KCNQ3: variants seen among roughly 807,000 people sequenced by gnomAD.
KCNQ3 encodes potassium voltage-gated channel subfamily Q member 3.
KCNQ3 carries 30 observed loss-of-function variants against 92.5 expected under a neutral mutation model. The observed-to-expected ratio is 0.32, with a 90% CI of 0.24 to 0.44. The LOEUF (loss-of-function observed/expected upper bound fraction) is 0.44, where lower values mean the gene tolerates loss of function less well. Ranked by LOEUF, KCNQ3 falls within the 20% of genes least tolerant of loss-of-function variation. The probability of loss-of-function intolerance (pLI) is 1.00; values close to 1 mark genes in which losing one functional copy is unlikely to be tolerated. For missense variants in KCNQ3, 913 were observed against 1,140.3 expected (o/e 0.80, Z 2.87); for synonymous variants, 450 against 468.8 (o/e 0.96, Z 0.52).
In KCNQ3 at chr8:132,129,671, G is replaced by A. The variant is rs966171130; in HGVS notation, c.2210C>T (p.Ser737Leu). The change falls in exon 15 of 15, where the codon TCA (serine) becomes TTA (leucine). Residue 737 changes from serine to leucine, a missense_variant. By Grantham distance (145) the Ser-to-Leu change is moderately radical. Transcript: ENST00000388996. The surrounding 1 kb of genome is among the most constrained non-coding windows in gnomAD (Gnocchi z 5.9). ...SGKVQATPPSSATTYVERPTV... is the reference protein window; with the variant it reads ...SGKVQATPPSLATTYVERPTV... ...GGGCCTCTCCACATACGTTGTTGCT[G>A]AGGAAGGAGGAGTTGCCTGAACCTT... 2 of 1,614,168 alleles carry A rather than the reference G, an allele frequency of 1.2e-6. No individual in the cohort carries two copies. Among genetic ancestry groups the A allele is most frequent in the Non-Finnish European group, 1.7e-6 (2 of 1,180,038 alleles).
At chr8:132,441,578 A>G (rs1001610566) in intron 1 of KCNQ3, among the ~76,000 whole-genome samples, 6 of 100,652 alleles carry the variant, frequency 6.0e-5, no homozygotes, top group African/African-American at 2.6e-4. Flanking sequence ...TCAAAAAACA[A>G]AACAAAACAA....
chr8:132,156,477 A>G (rs1825798756), intron 9 of KCNQ3, among the ~76,000 whole-genome samples: 1 of 152,116 alleles, frequency 6.6e-6, no homozygotes, highest in Non-Finnish European at 1.5e-5. Flanking sequence ...GGTTAAAGAG[A>G]AGAAATGACC....
At chr8:132,319,575 C>G (rs1484995696) in intron 1 of KCNQ3, among the ~76,000 whole-genome samples, 2 of 152,206 alleles carry the variant, frequency 1.3e-5, no homozygotes, top group African/African-American at 4.8e-5. Context: ...ACTCTGCAGA[C>G]CCCGAGGTTG....
intron 1 of KCNQ3, among the ~76,000 whole-genome samples, chr8:132,458,694 A>T (rs1325586134): frequency 2.0e-5 from 3 of 152,178 alleles, no homozygotes; most frequent in Non-Finnish European, 4.4e-5. Flanking sequence ...ATCTCAAGTG[A>T]TCCTCCCGCC....
At chr8:132,258,322 A>T (rs1815660295) in intron 1 of KCNQ3, among the ~76,000 whole-genome samples, 1 of 152,188 alleles carries the variant, frequency 6.6e-6, no homozygotes, top group Non-Finnish European at 1.5e-5. Context: ...TTCTCTAATG[A>T]CAACGTAATA....
At chr8:132,139,865 G>GAGTC (rs1210041772) in intron 11 of KCNQ3, among the ~76,000 whole-genome samples, 1 of 152,134 alleles carries the variant, frequency 6.6e-6, no homozygotes, top group Non-Finnish European at 1.5e-5. Flanking sequence ...AGGTACCTAC[G>GAGTC]AGTCACCCAT....
In KCNQ3 at chr8:132,140,062, C is replaced by A. The variant is rs370848714; in HGVS notation, c.1568+14G>T. On this transcript the variant is annotated intron_variant, in intron 11 of 14. Coordinates refer to ENST00000388996, the MANE Select transcript of KCNQ3 (RefSeq NM_004519.4). The stretch of plus-strand genomic sequence containing the variant: ...GGAGGCACACAGGCACAGGTGGGAC[C>A]GTGGGGGCATTACCTGACGGCTCGG... 6.4e-7 allele frequency: 1 copy of A among 1,565,854 alleles called. No homozygotes were observed.
chr8:132,338,774 T>C (rs904998808), intron 1 of KCNQ3, among the ~76,000 whole-genome samples: 2 of 152,030 alleles, frequency 1.3e-5, no homozygotes, highest in South Asian at 4.2e-4. Context: ...TGGCAGAAAA[T>C]AGGCAGGAAA....
intron 9 of KCNQ3, among the ~76,000 whole-genome samples, chr8:132,160,617 A>G (rs1825955039): frequency 6.6e-6 from 1 of 152,198 alleles, no homozygotes; most frequent in African/African-American, 2.4e-5. Flanking sequence ...ATAGATACAT[A>G]ATAACTTTCA....
chr8:132,319,510 A>G (rs1433536132), intron 1 of KCNQ3, among the ~76,000 whole-genome samples: 1 of 152,220 alleles, frequency 6.6e-6, no homozygotes, highest in Non-Finnish European at 1.5e-5. Flanking sequence ...CAAGCCTATG[A>G]TCAGAACAGA....
chr8:132,398,855 C>T (rs1820262847), intron 1 of KCNQ3, among the ~76,000 whole-genome samples: 1 of 152,190 alleles, frequency 6.6e-6, no homozygotes, highest in South Asian at 2.1e-4. Flanking sequence ...GTGATACTGG[C>T]ATCTGCCCAA....
chr8:132,217,834 G>C (rs936988692), intron 1 of KCNQ3, among the ~76,000 whole-genome samples: 1 of 151,980 alleles, frequency 6.6e-6, no homozygotes, highest in Non-Finnish European at 1.5e-5. Flanking sequence ...ACAAAGAGCT[G>C]CCAAGGAGAG....
rs183018499 is a variant in KCNQ3, at chr8:132,332,232, G to A, written c.387-146051C>T. On this transcript the variant is annotated intron_variant, in intron 1 of 14. Coordinates refer to ENST00000388996, the MANE Select transcript of KCNQ3 (RefSeq NM_004519.4). ...GGGACCAGAGCCTACCCAAAACCAC[G>A]AGTGAGCCTGGAAGCAGACTGTTCC... 5.4e-3 allele frequency among the ~76,000 whole-genome samples: 822 copies of A among 152,262 alleles called. 7 individuals are homozygous for A. The highest frequency in any genetic ancestry group is 6.7e-3 in the Non-Finnish European group (458 of 68,016).
chr8:132,208,173 G>T (rs1244858500), intron 1 of KCNQ3, among the ~76,000 whole-genome samples: 1 of 152,158 alleles, frequency 6.6e-6, no homozygotes, highest in Non-Finnish European at 1.5e-5. Context: ...AAGGTACAGA[G>T]GTGACCCAAG....
intron 9 of KCNQ3, among the ~76,000 whole-genome samples, chr8:132,161,358 G>T (rs1051319102): frequency 6.6e-6 from 1 of 152,224 alleles, no homozygotes; most frequent in African/African-American, 2.4e-5. Flanking sequence ...GCTGGGCCCG[G>T]TGGCTCATGC....
intron 1 of KCNQ3, among the ~76,000 whole-genome samples, chr8:132,406,559 A>G (rs1357962514): frequency 1.3e-5 from 2 of 152,026 alleles, no homozygotes; most frequent in Admixed American, 1.3e-4. Context: ...ATACACTCAC[A>G]CACAGACACA....
intron 1 of KCNQ3, among the ~76,000 whole-genome samples, chr8:132,456,607 T>C (rs1314271897): frequency 6.6e-6 from 1 of 151,950 alleles, no homozygotes. Context: ...TTTTTTATTT[T>C]ATTTATTTAT....
At chr8:132,223,446 G>A (rs1303339082) in intron 1 of KCNQ3, among the ~76,000 whole-genome samples, 1 of 152,188 alleles carries the variant, frequency 6.6e-6, no homozygotes, top group African/African-American at 2.4e-5. Context: ...GGGTAGCTTG[G>A]GAGAGGTGCT....
rs376381572 is a variant in KCNQ3, at chr8:132,129,231, A to G, written c.*31T>C. 3.1e-6 allele frequency: 5 copies of G among 1,603,666 alleles called. No individual in the cohort carries two copies. In the Admixed American group the frequency reaches 5.0e-5, roughly 16 times the overall value. On this transcript the variant is annotated 3_prime_UTR_variant, in exon 15 of 15. Coordinates refer to ENST00000388996, the MANE Select transcript of KCNQ3 (RefSeq NM_004519.4). The surrounding 1 kb of genome is among the most constrained non-coding windows in gnomAD (Gnocchi z 5.9). ...AGTGAACTATACAAAGTCTGTCTAC[A>G]TTACAAGGAGGGGTCAGCCAGTGAC...
Sources: allele counts gnomAD v4.1 joint callset (sites outside exome capture counted in the v4.1 genomes callset), GRCh38; gene constraint gnomAD v4.1.1; non-coding constraint Gnocchi (gnomAD v3.1); transcripts MANE v1.5; gene names NCBI Gene and HGNC (gene_info 2026-07-23, HGNC 2026-07-21).